The following XCR1 variants were observed in gnomAD, a reference collection of about 807,000 sequenced individuals.
XCR1 encodes the protein chemokine XC receptor 1.
For missense variants in XCR1, 356 were observed against 424.2 expected, an observed-to-expected ratio of 0.84 and a Z score of 1.41; for synonymous variants, 187 against 188.5, an observed-to-expected ratio of 0.99 and a Z score of 0.06.
At chr3:46,022,417 C>T (rs1708175890) in intron 1 of XCR1, 1 of 157,764 alleles carries the variant, frequency 6.3e-6, no homozygotes, top group African/African-American at 2.4e-5. Context: ...ATTTTCCCCA[C>T]AAGAGATAGC....
chr3:46,043,816 G>A (rs1697578310), intron 5 of XCR1, among the ~76,000 whole-genome samples: 1 of 151,772 alleles, frequency 6.6e-6, no homozygotes, highest in African/African-American at 2.4e-5. Flanking sequence ...GGTCTAGCCA[G>A]AAAAATTAGA....
intron 5 of XCR1, among the ~76,000 whole-genome samples, chr3:46,035,405 T>G (rs79323105): frequency 9.8e-4 from 150 of 152,336 alleles, no homozygotes; most frequent in African/African-American, 3.6e-3. Flanking sequence ...AATAATTGTC[T>G]CAGTCATTGG....
intron 5 of XCR1, among the ~76,000 whole-genome samples, chr3:46,041,986 G>A (rs1045681240): frequency 1.3e-5 from 2 of 152,236 alleles, no homozygotes; most frequent in Admixed American, 6.5e-5. Context: ...CTTCTTCCTT[G>A]GCAATATTCA....
At chr3:46,053,214 C>A (rs540705887) in intron 5 of XCR1, among the ~76,000 whole-genome samples, 14 of 152,066 alleles carry the variant, frequency 9.2e-5, no homozygotes, top group African/African-American at 3.1e-4. Context: ...GGGCTCTGTA[C>A]GCCATTATTT....
chr3:46,023,583 C>T (rs1169693689), intron 1 of XCR1: 1 of 1,422,628 alleles, frequency 7.0e-7, no homozygotes, highest in Non-Finnish European at 9.9e-7. Context: ...ATGTAGCTGC[C>T]CATCTTCAGG....
At chr3:46,077,139 T>C (rs1304568891) in intron 1 of XCR1, among the ~76,000 whole-genome samples, 1 of 152,076 alleles carries the variant, frequency 6.6e-6, no homozygotes, top group Non-Finnish European at 1.5e-5. Context: ...ACAACTCATA[T>C]CCTCTAGCTC....
At chr3:46,065,765 C>G (rs1698057701) in intron 4 of XCR1, among the ~76,000 whole-genome samples, 1 of 152,144 alleles carries the variant, frequency 6.6e-6, no homozygotes, top group Non-Finnish European at 1.5e-5. Flanking sequence ...CAGAGAATGA[C>G]CAAGGTTAGC....
intron 5 of XCR1, among the ~76,000 whole-genome samples, chr3:46,040,445 T>G (rs1697520830): frequency 6.6e-6 from 1 of 152,284 alleles, no homozygotes; most frequent in African/African-American, 2.4e-5. Flanking sequence ...CTTATTAGGC[T>G]TATTTTATAA....
In XCR1 at chr3:46,021,951, G is replaced by T. The variant is rs945526536; in HGVS notation, c.-4C>A. ...CTGGGTTGCCTGAGGACTCCATCTGGACCAGATGGCAGGGACGTTTAGAGC... is the reference window on the plus strand; with the variant it reads ...CTGGGTTGCCTGAGGACTCCATCTGTACCAGATGGCAGGGACGTTTAGAGC... On this transcript the variant is annotated 5_prime_UTR_variant, in exon 2 of 2. Transcript: ENST00000309285. The surrounding 1 kb of genome is among the most constrained non-coding windows in gnomAD (Gnocchi z 4.7). 1.4e-5 allele frequency: 22 copies of T among 1,605,064 alleles called. No homozygotes were observed. Among genetic ancestry groups the T allele is most frequent in the Non-Finnish European group, 1.8e-5 (21 of 1,175,734 alleles).
Position 46,020,986 on chromosome 3 carries a change from G to T in XCR1, c.962C>A (p.Ser321Tyr). 1 of 1,612,892 alleles carries T rather than the reference G, an allele frequency of 6.2e-7. No homozygotes were observed. The highest frequency in any genetic ancestry group is 1.3e-5 in the African/African-American group (1 of 75,016). Reference protein sequence around the residue: ...QAPSPASIPHSPGAFAYEGAS... With the variant: ...QAPSPASIPHYPGAFAYEGAS... ...GCCCTCATAGGCGAAGGCACCAGGG[G>T]AGTGGGGGATCGAGGCTGGGCTGGG... Residue 321 changes from serine to tyrosine, a missense_variant, in exon 2 of 2, where the codon TCC becomes TAC. Physicochemically the swap from Ser to Tyr is moderately radical, Grantham distance 144. Transcript: ENST00000309285.
At chr3:46,074,015 A>G (rs1452251311) in intron 3 of XCR1, among the ~76,000 whole-genome samples, 1 of 152,056 alleles carries the variant, frequency 6.6e-6, no homozygotes, top group Admixed American at 6.6e-5. Context: ...AATAATATGG[A>G]GATTTCTCAA....
chr3:46,029,469 G>A (rs1248007815), upstream of XCR1, among the ~76,000 whole-genome samples: 1 of 152,122 alleles, frequency 6.6e-6, no homozygotes, highest in African/African-American at 2.4e-5. Flanking sequence ...TGCTGGGATT[G>A]TCAACTGATT....
chr3:46,021,667 C>G lies in XCR1; in HGVS notation c.281G>C (p.Gly94Ala), dbSNP rs1203994995. 1 of 1,605,680 alleles carries G rather than the reference C, an allele frequency of 6.2e-7. No homozygotes were observed. The highest frequency in any genetic ancestry group is 1.7e-5 in the Admixed American group (1 of 59,168). Residue 94 changes from glycine to alanine, a missense_variant, in exon 2 of 2, where the codon GGC becomes GCC. Gly to Ala is a moderately conservative substitution (Grantham distance 60). Transcript: ENST00000309285. This position sits in a 1 kb window ranked among gnomAD's most constrained non-coding sequence, Gnocchi z 4.7. Reference sequence around the variant, plus strand: ...GCAGAGGAAGTCTCCCAGCACCCAGCCCCAGTGGTATGGGGAGATCCACAC... The same window carrying G: ...GCAGAGGAAGTCTCCCAGCACCCAGGCCCAGTGGTATGGGGAGATCCACAC... ...LPVWISPYHW[G>A]WVLGDFLCKL...
At chr3:46,030,795 T>G (rs139787840), upstream of XCR1, among the ~76,000 whole-genome samples, 7 of 152,344 alleles carry the variant, frequency 4.6e-5, no homozygotes, top group East Asian at 1.4e-3. Flanking sequence ...GGCAGCTTAC[T>G]GCACACCACC....
At chr3:46,026,120 C>A (rs1708282675) in intron 1 of XCR1, among the ~76,000 whole-genome samples, 1 of 152,026 alleles carries the variant, frequency 6.6e-6, no homozygotes, top group South Asian at 2.1e-4. Flanking sequence ...AGCTCAACAC[C>A]CTTTGATGAT....
chr3:46,076,468 A>G (rs76647202), intron 2 of XCR1, among the ~76,000 whole-genome samples: 13,709 of 151,982 alleles, frequency 0.09, 997 homozygotes, highest in South Asian at 0.34. Context: ...CAGCTTCCTC[A>G]GCTGTAAAAT....
intron 5 of XCR1, among the ~76,000 whole-genome samples, chr3:46,037,071 T>C (rs180729217): frequency 1.4e-3 from 212 of 152,282 alleles, no homozygotes; most frequent in East Asian, 4.4e-3. Context: ...CTAAAAATTA[T>C]AGAATTGTTC....
intron 4 of XCR1, among the ~76,000 whole-genome samples, chr3:46,059,841 C>G (rs1697928093): frequency 6.6e-6 from 1 of 152,190 alleles, no homozygotes; most frequent in Non-Finnish European, 1.5e-5. Flanking sequence ...ATATTTATAT[C>G]TATATCTATC....
chr3:46,024,147 G>T, intron 1 of XCR1: 6 of 564,158 alleles, frequency 1.1e-5, no homozygotes, highest in East Asian at 6.5e-5. Context: ...AAGGATTTAT[G>T]AATAATTAAA....
Sources: gnomAD v4.1 joint callset for allele counts (sites outside exome capture counted in the v4.1 genomes callset) on GRCh38, gnomAD v4.1.1 for gene constraint, Gnocchi (gnomAD v3.1) non-coding constraint, MANE v1.5 for transcripts, NCBI Gene and HGNC (gene_info 2026-07-23, HGNC 2026-07-21) for gene names.